The following ADAM17 variants were observed in gnomAD, a reference collection of about 807,000 sequenced individuals.
The protein encoded by ADAM17 is disintegrin and metalloproteinase domain-containing protein 17.
ADAM17 carries 39 observed loss-of-function variants against 96.7 expected under a neutral mutation model. The observed-to-expected ratio is 0.40, with a 90% CI of 0.31 to 0.53. ADAM17 has a LOEUF of 0.53. ADAM17 is among the 20% of genes least tolerant of loss of function. The probability of loss-of-function intolerance (pLI) is 0.44; values close to 1 mark genes in which losing one functional copy is unlikely to be tolerated. For synonymous variants in ADAM17, 344 were observed against 359.2 expected, an observed-to-expected ratio of 0.96 and a Z score of 0.48; for missense variants, 777 against 1,013.2, an observed-to-expected ratio of 0.77 and a Z score of 3.17.
chr2:9,546,893 G>A (rs529013635), intron 1 of ADAM17, among the ~76,000 whole-genome samples: 21 of 152,186 alleles, frequency 1.4e-4, no homozygotes, highest in African/African-American at 5.1e-4. Context: ...ATTTTTAGTA[G>A]AGAAGGGGTT....
chr2:9,515,777 C>T (rs891099306), intron 10 of ADAM17, among the ~76,000 whole-genome samples: 1 of 151,494 alleles, frequency 6.6e-6, no homozygotes, highest in African/African-American at 2.4e-5. Flanking sequence ...AAAGAAACTG[C>T]CAACTGCCTT....
At chr2:9,502,879 CAAAAAAAAAAA>C (rs758081961) in intron 12 of ADAM17, among the ~76,000 whole-genome samples, 2 of 43,594 alleles carry the variant, frequency 4.6e-5, no homozygotes, top group South Asian at 1.1e-3. Context: ...AATTCTGTCT[CAAAAAAAAAAA>C]AAAAAAAAAA....
chr2:9,490,853 T>G (rs1277114048), intron 18 of ADAM17, among the ~76,000 whole-genome samples: 1 of 152,220 alleles, frequency 6.6e-6, no homozygotes, highest in Non-Finnish European at 1.5e-5. Flanking sequence ...AACTAAGTGT[T>G]GAATGGCTAA....
intron 8 of ADAM17, among the ~76,000 whole-genome samples, chr2:9,518,553 C>G (rs533107198): frequency 6.6e-6 from 1 of 152,182 alleles, no homozygotes; most frequent in Non-Finnish European, 1.5e-5. Flanking sequence ...TGAAGACATA[C>G]AGCCCAGGAC....
chr2:9,531,705 T>C (rs976588379), intron 4 of ADAM17, among the ~76,000 whole-genome samples: 1 of 151,886 alleles, frequency 6.6e-6, no homozygotes, highest in African/African-American at 2.4e-5. Context: ...CCATCTCAAA[T>C]AAATAAATAA....
chr2:9,495,093 TTTC>T (rs928746805), intron 14 of ADAM17, among the ~76,000 whole-genome samples: 39 of 152,362 alleles, frequency 2.6e-4, no homozygotes, highest in African/African-American at 9.4e-4. Context: ...TTGTCCCAAC[TTTC>T]TTGTCACCCT....
chr2:9,541,096 T>A (rs974062687), intron 2 of ADAM17, among the ~76,000 whole-genome samples: 11 of 152,248 alleles, frequency 7.2e-5, no homozygotes, highest in African/African-American at 2.4e-4. Flanking sequence ...GAGCACTGTT[T>A]GTTGTATTAA....
intron 17 of ADAM17, 137 bp from the exon 18 acceptor site, chr2:9,491,288 A>ATGAC (rs1662123224): frequency 5.8e-6 from 4 of 691,172 alleles, no homozygotes; most frequent in Non-Finnish European, 9.6e-6. Context: ...GGCTCAACAG[A>ATGAC]TGACAATCCA....
At chr2:9,525,726 T>C (rs981909043) in intron 6 of ADAM17, among the ~76,000 whole-genome samples, 2 of 152,154 alleles carry the variant, frequency 1.3e-5, no homozygotes, top group Non-Finnish European at 2.9e-5. Flanking sequence ...CTCTGAAATA[T>C]ACATATAAGC....
intron 17 of ADAM17, among the ~76,000 whole-genome samples, chr2:9,491,611 A>G (rs554629952): frequency 9.2e-5 from 14 of 152,268 alleles, no homozygotes; most frequent in African/African-American, 3.1e-4. Flanking sequence ...CTGTCTCCAC[A>G]GTTTCTGTGG....
intron 8 of ADAM17, among the ~76,000 whole-genome samples, chr2:9,519,581 C>T (rs1357728323): frequency 6.6e-6 from 1 of 152,088 alleles, no homozygotes; most frequent in South Asian, 2.1e-4. Context: ...ATGTTGAAGT[C>T]CTAACCCTCA....
At position 9,518,259 on chromosome 2, in the gene ADAM17, CAAAAAAAAAAAAAA is replaced by C. The variant is rs34863481; in HGVS notation, c.958-26_958-13del. Reference sequence around the variant, plus strand: ...TCAAAGCTAAATTGCTTTGAAAGACCAAAAAAAAAAAAAAAAAAAAAAGCATTCTTAGATTAACA... The same window carrying C: ...TCAAAGCTAAATTGCTTTGAAAGACCAAAAAAAAGCATTCTTAGATTAACA... On this transcript the variant is annotated splice_polypyrimidine_tract_variant and intron_variant, in intron 8 of 18. Transcript: ENST00000310823. 5.4e-5 allele frequency: 44 copies of C among 817,328 alleles called. No homozygotes were observed. Among genetic ancestry groups the C allele is most frequent in the Admixed American group, 9.3e-5 (1 of 10,752 alleles). 50.6% of individuals were successfully genotyped at this position (817,328 alleles called of 1,614,324 possible).
At chr2:9,506,353 A>G (rs1169684323) in intron 11 of ADAM17, among the ~76,000 whole-genome samples, 1 of 149,656 alleles carries the variant, frequency 6.7e-6, no homozygotes, top group Non-Finnish European at 1.5e-5. Flanking sequence ...AAACATCTTC[A>G]AATCTGTTTT....
chr2:9,548,136 C>T (rs1665468470), intron 1 of ADAM17, among the ~76,000 whole-genome samples: 1 of 151,526 alleles, frequency 6.6e-6, no homozygotes, highest in African/African-American at 2.4e-5. Flanking sequence ...AGTTAGAGAC[C>T]AGCCTGGCCA....
rs560916478 is a variant in ADAM17 at position 9,536,024 on chromosome 2, T to G, written c.362-102A>C. 1,005 of 710,072 alleles carry G rather than the reference T, an allele frequency of 1.4e-3. 1 individual carries two copies. The highest frequency in any genetic ancestry group is 1.9e-3 in the Non-Finnish European group (904 of 486,908). The allele number at this position is 710,072 out of a possible 1,614,324, so 44.0% of individuals were successfully genotyped here. A position where few individuals can be genotyped will look rare whatever the true frequency, so the allele number is the denominator to read the frequency against. ...TAAATCCTTCAGGGTGGAATTTGCC[T>G]AGTACTGTGAGAGCTCTGCAAAACA... On this transcript the variant is annotated intron_variant, in intron 3 of 18. Transcript: ENST00000310823.
intron 7 of ADAM17, among the ~76,000 whole-genome samples, chr2:9,522,726 GA>G (rs1162341078): frequency 1.3e-5 from 2 of 152,056 alleles, no homozygotes; most frequent in South Asian, 4.2e-4. Context: ...CTAGCAATTT[GA>G]AATAACTTTT....
At chr2:9,497,086 C>T (rs1024000810) in intron 14 of ADAM17, 28 bp downstream of exon 14, 39 of 1,608,188 alleles carry the variant, frequency 2.4e-5, no homozygotes, top group Non-Finnish European at 3.3e-5. Context: ...TTTTCTCCTG[C>T]TGCTGGACTG....
chr2:9,526,292 G>C (rs1664526501), intron 5 of ADAM17, 48 bp from the exon 6 acceptor site: 1 of 1,561,228 alleles, frequency 6.4e-7, no homozygotes, highest in South Asian at 1.2e-5. Flanking sequence ...ACCAAAACAA[G>C]GAGTTTTATG....
chr2:9,504,427 G>C (rs976027964), intron 12 of ADAM17, among the ~76,000 whole-genome samples: 2 of 151,564 alleles, frequency 1.3e-5, no homozygotes, highest in Admixed American at 6.6e-5. Context: ...CCTGGCAACA[G>C]AGCGAGACGC....
Sources: allele counts gnomAD v4.1 joint callset (sites outside exome capture counted in the v4.1 genomes callset), GRCh38; gene constraint gnomAD v4.1.1; transcripts MANE v1.5; gene names NCBI Gene and HGNC (gene_info 2026-07-23, HGNC 2026-07-21).